Variants in HMGB1 observed in about 807,000 individuals in gnomAD.
HMGB1 encodes the protein high mobility group protein B1.
For missense variants in HMGB1, 79 were observed against 253.5 expected, an observed-to-expected ratio of 0.31 and a Z score of 4.67; for synonymous variants, 81 against 84.0, an observed-to-expected ratio of 0.96 and a Z score of 0.19.
At chr13:30,573,207 G>A (rs1870506311) in intron 1 of HMGB1, among the ~76,000 whole-genome samples, 1 of 152,120 alleles carries the variant, frequency 6.6e-6, no homozygotes, top group Non-Finnish European at 1.5e-5. Flanking sequence ...AATGGCAGCA[G>A]AAACGTATTA....
Position 30,575,076 on chromosome 13 carries a change from G to A in HMGB1, c.-15+41595C>T, listed in dbSNP as rs552861638. Among the ~76,000 whole-genome samples, 4 of 152,228 alleles carry A rather than the reference G, an allele frequency of 2.6e-5. No homozygotes were observed. In the East Asian group the frequency reaches 7.7e-4, roughly 29 times the overall value. On this transcript the variant is annotated intron_variant, in intron 1 of 4. Transcript: ENST00000405805. ...AACTCCGAGTAAAAGTATCTGCATG[G>A]TGTGCATATGTTTATTATTTTAAGT...
At chr13:30,532,392 C>T (rs1888516203) in intron 1 of HMGB1, among the ~76,000 whole-genome samples, 1 of 150,950 alleles carries the variant, frequency 6.6e-6, no homozygotes, top group Admixed American at 6.6e-5. Context: ...TTCCACTAAG[C>T]AGTGACGCAG....
intron 1 of HMGB1, among the ~76,000 whole-genome samples, chr13:30,551,638 C>G (rs1869433276): frequency 6.6e-6 from 1 of 152,220 alleles, no homozygotes; most frequent in Non-Finnish European, 1.5e-5. Flanking sequence ...ACTCCCTTTT[C>G]TTGTCTCATT....
intron 1 of HMGB1, among the ~76,000 whole-genome samples, chr13:30,507,689 A>G (rs760224275): frequency 1.8e-4 from 28 of 152,326 alleles, no homozygotes; most frequent in Middle Eastern, 3.4e-3. Context: ...TTGGTTACCT[A>G]CACAGAAGAC....
intron 1 of HMGB1, among the ~76,000 whole-genome samples, chr13:30,597,594 C>T (rs1431986391): frequency 6.6e-5 from 10 of 152,192 alleles, no homozygotes; most frequent in African/African-American, 2.2e-4. Context: ...TTCTCATACT[C>T]AACTGTTTAC....
chr13:30,478,841 C>G (rs1041500141), intron 1 of HMGB1, among the ~76,000 whole-genome samples: 9 of 150,486 alleles, frequency 6.0e-5, no homozygotes, highest in Non-Finnish European at 1.2e-4. Context: ...GCCCCCAAAT[C>G]CCAATTTCTT....
At chr13:30,594,905 A>G (rs1234565021) in intron 1 of HMGB1, among the ~76,000 whole-genome samples, 1 of 152,160 alleles carries the variant, frequency 6.6e-6, no homozygotes, top group Non-Finnish European at 1.5e-5. Context: ...AGCCATTTTG[A>G]ACTGGTAAGA....
intron 1 of HMGB1, among the ~76,000 whole-genome samples, chr13:30,514,352 C>CTTTTTTTTTTTTTTTTTTATTTTTTT: frequency 7.7e-6 from 1 of 130,444 alleles, no homozygotes; most frequent in African/African-American, 2.8e-5. Flanking sequence ...CTAGTTCAAT[C>CTTTTTTTTTTTTTTTTTTATTTTTTT]TTTTTTTTTT....
intron 1 of HMGB1, among the ~76,000 whole-genome samples, chr13:30,486,544 G>GA (rs1250299096): frequency 2.0e-5 from 3 of 152,170 alleles, no homozygotes; most frequent in Non-Finnish European, 4.4e-5. Context: ...GCTGGGAGTG[G>GA]AAAATATCTT....
chr13:30,605,590 A>T (rs138765113), intron 1 of HMGB1, among the ~76,000 whole-genome samples: 1 of 152,184 alleles, frequency 6.6e-6, no homozygotes, highest in African/African-American at 2.4e-5. Context: ...TGGAAATGAG[A>T]GTTTTGGTGG....
intron 1 of HMGB1, among the ~76,000 whole-genome samples, chr13:30,570,134 T>C (rs1870365685): frequency 6.6e-6 from 1 of 152,184 alleles, no homozygotes; most frequent in Non-Finnish European, 1.5e-5. Context: ...GAAAAAGAAG[T>C]CTGAGGCATT....
At chr13:30,522,504 T>C (rs1888262775) in intron 1 of HMGB1, among the ~76,000 whole-genome samples, 1 of 151,762 alleles carries the variant, frequency 6.6e-6, no homozygotes, top group African/African-American at 2.4e-5. Flanking sequence ...AGGTCAAGAG[T>C]GATGACGAAT....
At chr13:30,507,563 T>C (rs529027917) in intron 1 of HMGB1, among the ~76,000 whole-genome samples, 3 of 152,210 alleles carry the variant, frequency 2.0e-5, no homozygotes, top group Non-Finnish European at 4.4e-5. Context: ...TAAGGAAGAC[T>C]AGCACAGCAG....
chr13:30,481,304 C>T (rs895908387), intron 1 of HMGB1, among the ~76,000 whole-genome samples: 2 of 137,422 alleles, frequency 1.5e-5, no homozygotes, highest in African/African-American at 2.7e-5. Context: ...AGATCTGCTA[C>T]AGCAACAGAA....
intron 1 of HMGB1, among the ~76,000 whole-genome samples, chr13:30,524,876 T>C (rs1417455832): frequency 6.6e-6 from 1 of 152,174 alleles, no homozygotes. Context: ...CCTCCTAAGA[T>C]TTATTTCTTA....
chr13:30,586,941 G>A (rs973898681), intron 1 of HMGB1, among the ~76,000 whole-genome samples: 4 of 152,022 alleles, frequency 2.6e-5, no homozygotes, highest in Non-Finnish European at 5.9e-5. Context: ...TTGAATAAAT[G>A]TTTGTTCCCC....
intron 1 of HMGB1, among the ~76,000 whole-genome samples, chr13:30,555,042 T>TTTG (rs1566023772): frequency 7.4e-6 from 1 of 135,294 alleles, no homozygotes; most frequent in Non-Finnish European, 1.6e-5. Flanking sequence ...TGTTTTTTTT[T>TTTG]TTTTTTTTTT....
intron 1 of HMGB1, among the ~76,000 whole-genome samples, chr13:30,501,909 T>C (rs552820031): frequency 1.3e-5 from 2 of 152,346 alleles, no homozygotes; most frequent in African/African-American, 4.8e-5. Context: ...CAACACCTCA[T>C]TTTCTCATAT....
At chr13:30,510,010 A>G (rs1390619376) in intron 1 of HMGB1, among the ~76,000 whole-genome samples, 1 of 152,126 alleles carries the variant, frequency 6.6e-6, no homozygotes, top group African/African-American at 2.4e-5. Context: ...CTACTTGTCA[A>G]TTTCACCTGT....
Sources: gnomAD v4.1 joint callset for allele counts (sites outside exome capture counted in the v4.1 genomes callset) on GRCh38, gnomAD v4.1.1 for gene constraint, MANE v1.5 for transcripts, NCBI Gene and HGNC (gene_info 2026-07-23, HGNC 2026-07-21) for gene names.